Variants in WWOX observed in about 807,000 individuals in gnomAD.
The protein encoded by WWOX is WW domain containing oxidoreductase.
A neutral mutation model predicts 46.2 loss-of-function variants in WWOX; 69 were observed. That is an observed-to-expected ratio of 1.49 (90% CI 1.23 to 1.82). The LOEUF (loss-of-function observed/expected upper bound fraction) is 1.82. WWOX is among the 40% of genes most tolerant of loss of function. The pLI is 0.00. For missense variants in WWOX, 919 were observed against 542.6 expected (o/e 1.69, Z -6.89); for synonymous variants, 359 against 202.6 (o/e 1.77, Z -6.56).
intron 5 of WWOX, among the ~76,000 whole-genome samples, chr16:78,286,874 T>G (rs1290038498): frequency 3.3e-5 from 5 of 152,204 alleles, no homozygotes; most frequent in Admixed American, 1.3e-4. Context: ...TATTCATAGT[T>G]AATTTATCCT....
intron 8 of WWOX, among the ~76,000 whole-genome samples, chr16:79,121,044 C>G (rs2049620617): frequency 6.6e-6 from 1 of 152,350 alleles, no homozygotes; most frequent in East Asian, 1.9e-4. Context: ...GCTGGGATTA[C>G]AGGCGTGAGT....
rs186959311 is a variant in WWOX, at chr16:78,736,091, C to G, written c.1056+303339C>G. ...TCGCTTGCTTTATCAAGGGAATGTTCTTGGGACAAATGTGTGACAGGTGAG... is the reference window on the plus strand; with the variant it reads ...TCGCTTGCTTTATCAAGGGAATGTTGTTGGGACAAATGTGTGACAGGTGAG... On this transcript the variant is annotated intron_variant, in intron 8 of 8. Coordinates refer to ENST00000566780, the MANE Select transcript of WWOX (RefSeq NM_016373.4). Among the ~76,000 whole-genome samples, 5 of 152,236 alleles carry G rather than the reference C, an allele frequency of 3.3e-5. No individual in the cohort carries two copies. The East Asian group carries it at 7.7e-4, about 24-fold the overall frequency.
intron 8 of WWOX, among the ~76,000 whole-genome samples, chr16:78,564,066 T>A (rs145524609): frequency 1.3e-5 from 2 of 152,334 alleles, no homozygotes; most frequent in African/African-American, 4.8e-5. Context: ...CAAGACCATG[T>A]TTCCATATTG....
intron 5 of WWOX, among the ~76,000 whole-genome samples, chr16:78,260,334 C>G (rs1439784509): frequency 1.3e-5 from 2 of 151,580 alleles, no homozygotes; most frequent in Non-Finnish European, 2.9e-5. Context: ...ATCCAAAGGT[C>G]AGCAGCCTGA....
intron 5 of WWOX, among the ~76,000 whole-genome samples, chr16:78,201,427 T>G (rs2036226415): frequency 2.0e-5 from 3 of 152,194 alleles, no homozygotes; most frequent in Admixed American, 2.0e-4. Context: ...AAGTCTAAAA[T>G]GTTGATAACT....
chr16:79,076,587 A>T (rs1191869009), intron 8 of WWOX, among the ~76,000 whole-genome samples: 2 of 152,184 alleles, frequency 1.3e-5, no homozygotes, highest in African/African-American at 2.4e-5. Context: ...CAGCCTATCC[A>T]GGCCCCTTCA....
chr16:78,559,413 G>A (rs866493363), intron 8 of WWOX, among the ~76,000 whole-genome samples: 2 of 152,156 alleles, frequency 1.3e-5, no homozygotes, highest in Non-Finnish European at 1.5e-5. Flanking sequence ...ACTGAGTGTC[G>A]AGGAGCAAGT....
intron 8 of WWOX, among the ~76,000 whole-genome samples, chr16:79,049,387 G>C (rs1480400153): frequency 6.6e-6 from 1 of 152,198 alleles, no homozygotes; most frequent in Non-Finnish European, 1.5e-5. Context: ...ATGTGGATGA[G>C]GCTGCTCAGG....
intron 8 of WWOX, among the ~76,000 whole-genome samples, chr16:78,497,884 T>C (rs533494895): frequency 2.0e-5 from 3 of 151,036 alleles, no homozygotes; most frequent in African/African-American, 7.3e-5. Flanking sequence ...AGCCCACATT[T>C]TAAAGGGAAT....
intron 7 of WWOX, among the ~76,000 whole-genome samples, chr16:78,431,136 T>G (rs1208016084): frequency 2.0e-5 from 3 of 152,216 alleles, no homozygotes; most frequent in Non-Finnish European, 2.9e-5. Flanking sequence ...TGTTGTTATT[T>G]AAGAGAAAGA....
At chr16:79,116,886 T>G (rs910697161) in intron 8 of WWOX, among the ~76,000 whole-genome samples, 1 of 152,078 alleles carries the variant, frequency 6.6e-6, no homozygotes, top group Non-Finnish European at 1.5e-5. Flanking sequence ...GCTTCTAAAA[T>G]GTATTTCTTT....
intron 8 of WWOX, among the ~76,000 whole-genome samples, chr16:78,516,187 C>A (rs575571599): frequency 6.6e-6 from 1 of 152,178 alleles, no homozygotes; most frequent in Non-Finnish European, 1.5e-5. Flanking sequence ...CAGCTGACAG[C>A]GCCCCGGGAG....
At chr16:78,786,535 T>A (rs1385764759) in intron 8 of WWOX, among the ~76,000 whole-genome samples, 1 of 152,252 alleles carries the variant, frequency 6.6e-6, no homozygotes, top group African/African-American at 2.4e-5. Flanking sequence ...AATGTTTTTC[T>A]TTTAATTGTT....
Position 78,421,764 on chromosome 16 carries a change from A to C in WWOX, c.606-3106A>C, listed in dbSNP as rs1359353175. On this transcript the variant is annotated intron_variant, in intron 6 of 8. Transcript: ENST00000566780. The stretch of plus-strand genomic sequence containing the variant: ...GGCTAAAACTTGATCTGCTTTTTAC[A>C]GTCATGTGCTGACAATTCTAAACAT... Among the ~76,000 whole-genome samples, 3 of 152,220 alleles carry C rather than the reference A, an allele frequency of 2.0e-5. No homozygotes were observed. The East Asian group carries it at 5.8e-4, about 29-fold the overall frequency.
intron 8 of WWOX, among the ~76,000 whole-genome samples, chr16:78,713,418 T>G (rs561301778): frequency 3.3e-5 from 5 of 152,168 alleles, no homozygotes; most frequent in Non-Finnish European, 7.4e-5. Context: ...ATTTGGTATC[T>G]GTTAGGAGCT....
chr16:78,590,628 G>A (rs187867471), intron 8 of WWOX, among the ~76,000 whole-genome samples: 2,533 of 151,026 alleles, frequency 0.017, 52 homozygotes, highest in East Asian at 0.085. Flanking sequence ...TAAGGCAGAT[G>A]GAAATGTCTT....
intron 5 of WWOX, among the ~76,000 whole-genome samples, chr16:78,194,953 C>G (rs150283626): frequency 6.6e-6 from 1 of 152,194 alleles, no homozygotes; most frequent in Admixed American, 6.5e-5. Flanking sequence ...CTGTGTGACG[C>G]GATAGCAGGT....
chr16:79,068,107 T>A (rs554345679), intron 8 of WWOX, among the ~76,000 whole-genome samples: 2 of 152,298 alleles, frequency 1.3e-5, no homozygotes, highest in South Asian at 4.2e-4. Flanking sequence ...CTCCGGAAGA[T>A]CCCTAACCCA....
chr16:78,378,442 A>C (rs542103657), intron 5 of WWOX, among the ~76,000 whole-genome samples: 1 of 152,310 alleles, frequency 6.6e-6, no homozygotes, highest in South Asian at 2.1e-4. Context: ...CTGTGTCCCC[A>C]TGCATTTTCC....
Sources: gnomAD v4.1 joint callset for allele counts (sites outside exome capture counted in the v4.1 genomes callset) on GRCh38, gnomAD v4.1.1 for gene constraint, MANE v1.5 for transcripts, NCBI Gene and HGNC (gene_info 2026-07-23, HGNC 2026-07-21) for gene names.